Variants in GRIN2A observed in about 807,000 individuals in gnomAD.
The protein encoded by GRIN2A is glutamate receptor ionotropic, NMDA 2A.
A neutral mutation model predicts 113.4 loss-of-function variants in GRIN2A; 22 were observed. The observed-to-expected ratio is 0.19, with a 90% CI of 0.14 to 0.28. The LOEUF is 0.28. GRIN2A is among the 10% of genes least tolerant of loss of function. The probability of loss-of-function intolerance (pLI) is 1.00; values close to 1 mark genes in which losing one functional copy is unlikely to be tolerated. For missense variants in GRIN2A, 1,502 were observed against 1,887.0 expected (o/e 0.80, Z 3.78); for synonymous variants, 827 against 738.4 (o/e 1.12, Z -1.94).
intron 4 of GRIN2A, among the ~76,000 whole-genome samples, chr16:9,879,402 C>A (rs1464740029): frequency 2.0e-5 from 3 of 152,136 alleles, no homozygotes; most frequent in African/African-American, 2.4e-5. Context: ...TAGAGACTTA[C>A]ACCTAAAAAA....
intron 2 of GRIN2A, among the ~76,000 whole-genome samples, chr16:10,055,046 T>TAAAAAAAAAAAAAA (rs1567266287): frequency 4.0e-4 from 5 of 12,490 alleles, no homozygotes; most frequent in Non-Finnish European, 6.7e-4. Flanking sequence ...AGACTCTATC[T>TAAAAAAAAAAAAAA]CAAAAAAAAA....
intron 2 of GRIN2A, among the ~76,000 whole-genome samples, chr16:10,155,551 G>GATTATT (rs1383880151): frequency 6.6e-6 from 1 of 152,184 alleles, no homozygotes; most frequent in African/African-American, 2.4e-5. Flanking sequence ...TACCATCCAT[G>GATTATT]ATTATAATGT....
chr16:10,044,773 G>A (rs1318144808), intron 2 of GRIN2A, among the ~76,000 whole-genome samples: 1 of 151,782 alleles, frequency 6.6e-6, no homozygotes, highest in Non-Finnish European at 1.5e-5. Flanking sequence ...TTCCAATCAT[G>A]TGTTCGAATC....
In GRIN2A at chr16:10,180,523, A is replaced by T. The variant is rs2050247789; in HGVS notation, c.-18-94T>A. On this transcript the variant is annotated intron_variant, in intron 1 of 12. Transcript: ENST00000330684. The surrounding 1 kb of genome is among the most constrained non-coding windows in gnomAD (Gnocchi z 7.0). Reference sequence around the variant, plus strand: ...TGGCTTCCTGCTCTAGGAGCCAGGCATGGAACTCAGCAGCAGGATAGGCTG... The same window carrying T: ...TGGCTTCCTGCTCTAGGAGCCAGGCTTGGAACTCAGCAGCAGGATAGGCTG... 6.5e-7 allele frequency: 1 copy of T among 1,529,488 alleles called. No homozygotes were observed. The highest frequency in any genetic ancestry group is 8.7e-7 in the Non-Finnish European group (1 of 1,144,156). 94.7% of individuals were successfully genotyped at this position (1,529,488 alleles called of 1,614,324 possible). A position where few individuals can be genotyped will look rare whatever the true frequency, so the allele number is the denominator to read the frequency against.
At chr16:9,990,579 A>G (rs1225360948) in intron 2 of GRIN2A, among the ~76,000 whole-genome samples, 3 of 150,756 alleles carry the variant, frequency 2.0e-5, no homozygotes, top group East Asian at 3.9e-4. Flanking sequence ...ACACACACAC[A>G]CACACACACA....
At chr16:10,072,240 G>A (rs1417274867) in intron 2 of GRIN2A, among the ~76,000 whole-genome samples, 2 of 152,180 alleles carry the variant, frequency 1.3e-5, no homozygotes, top group Non-Finnish European at 2.9e-5. Context: ...TTGGAGGTAC[G>A]TGCACATTCC....
intron 2 of GRIN2A, among the ~76,000 whole-genome samples, chr16:9,987,910 G>A (rs2046010109): frequency 6.6e-6 from 1 of 152,182 alleles, no homozygotes; most frequent in Admixed American, 6.5e-5. Flanking sequence ...TCTCTACCCA[G>A]GAGATAAATC....
chr16:10,012,503 C>T (rs986810059), intron 2 of GRIN2A, among the ~76,000 whole-genome samples: 2 of 152,144 alleles, frequency 1.3e-5, no homozygotes, highest in East Asian at 3.8e-4. Context: ...ATAATGTAAA[C>T]CTTGTTCAAT....
At chr16:9,904,135 G>A (rs1342753132) in intron 3 of GRIN2A, among the ~76,000 whole-genome samples, 1 of 152,212 alleles carries the variant, frequency 6.6e-6, no homozygotes, top group African/African-American at 2.4e-5. Context: ...ATGGGGGTAA[G>A]GCCGCTGTTT....
chr16:10,061,427 C>A (rs1355855318), intron 2 of GRIN2A, among the ~76,000 whole-genome samples: 1 of 152,138 alleles, frequency 6.6e-6, no homozygotes, highest in Non-Finnish European at 1.5e-5. Flanking sequence ...ATGCACCTGC[C>A]CGAATACTAA....
chr16:9,916,692 T>C (rs930230824), intron 3 of GRIN2A, among the ~76,000 whole-genome samples: 5 of 152,112 alleles, frequency 3.3e-5, no homozygotes, highest in African/African-American at 1.2e-4. Flanking sequence ...TCCTCCCTTT[T>C]CCAACCTTTC....
chr16:10,012,188 T>C (rs573029699), intron 2 of GRIN2A, among the ~76,000 whole-genome samples: 3 of 152,256 alleles, frequency 2.0e-5, no homozygotes, highest in Non-Finnish European at 4.4e-5. Flanking sequence ...TAATGTGTTA[T>C]GCTTTGTCTT....
chr16:9,938,433 G>T lies in GRIN2A; in HGVS notation c.533C>A (p.Pro178His). 1.2e-6 allele frequency: 2 copies of T among 1,613,958 alleles called. No individual in the cohort carries two copies. The highest frequency in any genetic ancestry group is 4.5e-5 in the East Asian group (2 of 44,848). Reference sequence around the variant, plus strand: ...GAAGCTGATGAATTCCCTGTAGCCAGGGAAGATAGTGGTCACCAGGGAGAA... The same window carrying T: ...GAAGCTGATGAATTCCCTGTAGCCATGGAAGATAGTGGTCACCAGGGAGAA... ...HVFSLVTTIFPGYREFISFVK... is the reference protein window; with the variant it reads ...HVFSLVTTIFHGYREFISFVK... The change falls in exon 3 of 13, where the codon CCT (proline) becomes CAT (histidine). Residue 178 changes from proline (P) to histidine (H), a missense_variant. Coordinates refer to ENST00000330684, the MANE Select transcript of GRIN2A (RefSeq NM_001134407.3).
At chr16:9,795,675 C>G (rs146557672) in intron 11 of GRIN2A, among the ~76,000 whole-genome samples, 1 of 152,178 alleles carries the variant, frequency 6.6e-6, no homozygotes, top group Admixed American at 6.5e-5. Context: ...CTAAGCTATG[C>G]ACTTTACATG....
chr16:9,847,486 G>T (rs1165446750), intron 5 of GRIN2A, among the ~76,000 whole-genome samples: 2 of 151,998 alleles, frequency 1.3e-5, no homozygotes, highest in Admixed American at 1.3e-4. Flanking sequence ...GAACACTTGA[G>T]CCTAGGAGTT....
chr16:9,857,931 C>T (rs1233685461), intron 4 of GRIN2A, among the ~76,000 whole-genome samples: 1 of 152,182 alleles, frequency 6.6e-6, no homozygotes, highest in Non-Finnish European at 1.5e-5. Flanking sequence ...CCACATTTCT[C>T]CCAAGGGTTT....
intron 11 of GRIN2A, among the ~76,000 whole-genome samples, chr16:9,771,935 T>A (rs952380424): frequency 2.0e-5 from 3 of 152,208 alleles, no homozygotes; most frequent in Non-Finnish European, 2.9e-5. Flanking sequence ...TTCACTTTGA[T>A]GGACAGAGAT....
intron 4 of GRIN2A, among the ~76,000 whole-genome samples, chr16:9,863,025 G>A (rs898047105): frequency 5.9e-5 from 9 of 152,108 alleles, no homozygotes; most frequent in African/African-American, 2.2e-4. Context: ...GACTCGTTTT[G>A]TATGTTGGCA....
chr16:9,893,460 T>C (rs1437917480), intron 3 of GRIN2A, among the ~76,000 whole-genome samples: 1 of 151,914 alleles, frequency 6.6e-6, no homozygotes, highest in Non-Finnish European at 1.5e-5. Flanking sequence ...TTTTGTTTTT[T>C]GTTTTTATTT....
Sources: gnomAD v4.1 joint callset for allele counts (sites outside exome capture counted in the v4.1 genomes callset) on GRCh38, gnomAD v4.1.1 for gene constraint, Gnocchi (gnomAD v3.1) non-coding constraint, MANE v1.5 for transcripts, NCBI Gene and HGNC (gene_info 2026-07-23, HGNC 2026-07-21) for gene names.